ACSM6: variants seen among roughly 807,000 people sequenced by gnomAD.
The protein encoded by ACSM6 is acyl-coenzyme A synthetase ACSM6, mitochondrial.
In ACSM6, 35 loss-of-function variants were observed where a neutral mutation model predicts 51.1. The ratio of observed to expected loss-of-function variants is 0.69; its 90% confidence interval spans 0.52 to 0.91. ACSM6 has a LOEUF of 0.91. Among genes scored for constraint, ACSM6 ranks in the 40% least tolerant of loss-of-function variants. The pLI, the probability that ACSM6 is intolerant of heterozygous loss-of-function variation, is 0.00. For missense variants in ACSM6, 509 were observed against 584.1 expected (o/e 0.87, Z 1.32); for synonymous variants, 172 against 207.3 (o/e 0.83, Z 1.46).
chr10:95,204,079 C>T (rs2034819534), intron 3 of ACSM6, among the ~76,000 whole-genome samples: 1 of 152,126 alleles, frequency 6.6e-6, no homozygotes, highest in African/African-American at 2.4e-5. Context: ...CCACTTCAGT[C>T]TGGGTCACCA....
chr10:95,219,825 T>C, intron 8 of ACSM6, 66 bp from the exon 9 acceptor site: 2 of 1,196,540 alleles, frequency 1.7e-6, no homozygotes, highest in South Asian at 2.5e-5. Context: ...CTGGTTATGA[T>C]CAATAACTAG....
intron 9 of ACSM6, among the ~76,000 whole-genome samples, chr10:95,223,148 G>A (rs1185143182): frequency 2.4e-5 from 3 of 125,606 alleles, no homozygotes; most frequent in Non-Finnish European, 3.5e-5. Context: ...TCCAAAACAC[G>A]CACACATACA....
chr10:95,228,661 T>C (rs746433802), exon 11 of ACSM6: 2 of 1,551,652 alleles, frequency 1.3e-6, no homozygotes, highest in Non-Finnish European at 1.7e-6. Context: ...GGGAGGAATA[T>C]GCTTCAGCAA....
intron 3 of ACSM6, among the ~76,000 whole-genome samples, chr10:95,205,820 A>G (rs1426356371): frequency 6.6e-6 from 1 of 152,190 alleles, no homozygotes; most frequent in Non-Finnish European, 1.5e-5. Flanking sequence ...GTCACCCACA[A>G]TTGCACGGTT....
chr10:95,219,899 C>G (rs2034980298), exon 9 of ACSM6: 1 of 1,613,484 alleles, frequency 6.2e-7, no homozygotes, highest in Non-Finnish European at 8.5e-7. Flanking sequence ...AGGGTCTACT[C>G]TGTGCCACTT....
At chr10:95,226,059 C>T (rs2035034264) in intron 10 of ACSM6, 1 of 152,114 alleles carries the variant, frequency 6.6e-6, no homozygotes, top group African/African-American at 2.4e-5. Context: ...TGGGGGGAAA[C>T]ATTAGGTTGT....
chr10:95,210,975 T>A (rs2034887644), intron 5 of ACSM6, among the ~76,000 whole-genome samples, 182 bp downstream of exon 5: 1 of 152,098 alleles, frequency 6.6e-6, no homozygotes, highest in Non-Finnish European at 1.5e-5. Flanking sequence ...TAGTTCAAAA[T>A]TCTAAGAGTA....
At chr10:95,206,013 TA>T (rs2034836019) in intron 3 of ACSM6, among the ~76,000 whole-genome samples, 1 of 152,222 alleles carries the variant, frequency 6.6e-6, no homozygotes, top group African/African-American at 2.4e-5. Context: ...TTTGGAGATA[TA>T]ATTTATATAC....
intron 8 of ACSM6, among the ~76,000 whole-genome samples, chr10:95,219,127 T>C (rs1297932680): frequency 6.6e-6 from 1 of 152,206 alleles, no homozygotes; most frequent in African/African-American, 2.4e-5. Flanking sequence ...TCCTCCAAGG[T>C]AGACCTCTGT....
At chr10:95,214,622 C>T (rs765211183) in intron 7 of ACSM6, among the ~76,000 whole-genome samples, 1 of 152,204 alleles carries the variant, frequency 6.6e-6, no homozygotes, top group Non-Finnish European at 1.5e-5. Context: ...TTGCTTTTAA[C>T]ATTAATGCCG....
intron 8 of ACSM6, among the ~76,000 whole-genome samples, chr10:95,216,680 A>T (rs144834753): frequency 2.6e-5 from 4 of 152,300 alleles, no homozygotes; most frequent in Admixed American, 2.6e-4. Flanking sequence ...AAAGATGCCA[A>T]ACCCAAGGAA....
At chr10:95,205,977 C>A (rs2034835815) in intron 3 of ACSM6, among the ~76,000 whole-genome samples, 1 of 152,162 alleles carries the variant, frequency 6.6e-6, no homozygotes, top group African/African-American at 2.4e-5. Flanking sequence ...CCATTCCATG[C>A]CAGATCCTGT....
At chr10:95,209,371 G>A (rs924634084) in intron 4 of ACSM6, among the ~76,000 whole-genome samples, 8 of 152,274 alleles carry the variant, frequency 5.3e-5, no homozygotes, top group East Asian at 1.9e-4. Context: ...GGAAGACTGC[G>A]GCAGGTCTTG....
At chr10:95,194,434 T>C (rs1052854989) in intron 1 of ACSM6, 31 bp from the exon 2 acceptor site, 1 of 1,498,228 alleles carries the variant, frequency 6.7e-7, no homozygotes, top group East Asian at 2.5e-5. Flanking sequence ...AGCTGCTCAA[T>C]TACTCCCTGT....
chr10:95,204,589 C>A (rs1246770305), intron 3 of ACSM6, among the ~76,000 whole-genome samples: 1 of 151,908 alleles, frequency 6.6e-6, no homozygotes, highest in Admixed American at 6.6e-5. Context: ...TTTATCAGGT[C>A]TTTTCAAGCC....
chr10:95,216,826 C>T (rs1231574295), intron 8 of ACSM6, among the ~76,000 whole-genome samples: 1 of 152,082 alleles, frequency 6.6e-6, no homozygotes, highest in African/African-American at 2.4e-5. Context: ...TAGAATAGTT[C>T]CTTAACCACT....
At chr10:95,200,443 C>T (rs977859568) in intron 2 of ACSM6, among the ~76,000 whole-genome samples, 14 of 151,120 alleles carry the variant, frequency 9.3e-5, no homozygotes, top group African/African-American at 3.2e-4. Flanking sequence ...CACATGTATA[C>T]ACATGTAACA....
intron 4 of ACSM6, among the ~76,000 whole-genome samples, chr10:95,208,146 A>G (rs1300919328): frequency 2.0e-5 from 3 of 152,158 alleles, no homozygotes; most frequent in Non-Finnish European, 4.4e-5. Context: ...GTCTCAAAAA[A>G]AAAAAAGAAA....
At chr10:95,217,219 G>A (rs2034954252) in intron 8 of ACSM6, among the ~76,000 whole-genome samples, 1 of 152,104 alleles carries the variant, frequency 6.6e-6, no homozygotes, top group Admixed American at 6.5e-5. Context: ...GTGGTGGCAC[G>A]CACCTGCAGT....
Sources: gnomAD v4.1 joint callset for allele counts (sites outside exome capture counted in the v4.1 genomes callset) on GRCh38, gnomAD v4.1.1 for gene constraint, MANE v1.5 for transcripts, NCBI Gene and HGNC (gene_info 2026-07-23, HGNC 2026-07-21) for gene names.